AUTS2: variants seen among roughly 807,000 people sequenced by gnomAD.
The protein encoded by AUTS2 is activator of transcription and developmental regulator AUTS2.
A neutral mutation model predicts 112.4 loss-of-function variants in AUTS2; 17 were observed. That is an observed-to-expected ratio of 0.15 (90% CI 0.10 to 0.23). The LOEUF is 0.23. AUTS2 is among the 10% of genes least tolerant of loss of function. The pLI is 1.00. For synonymous variants in AUTS2, 751 were observed against 702.7 expected (o/e 1.07, Z -1.09); for missense variants, 1,510 against 1,701.6 (o/e 0.89, Z 1.98).
intron 4 of AUTS2, among the ~76,000 whole-genome samples, chr7:70,180,219 G>A (rs1809224635): frequency 6.6e-6 from 1 of 152,144 alleles, no homozygotes; most frequent in Non-Finnish European, 1.5e-5. Flanking sequence ...AGAAAAATAT[G>A]AAAGGTTGAT....
At chr7:70,234,837 C>G (rs149547085) in intron 4 of AUTS2, among the ~76,000 whole-genome samples, 3 of 152,028 alleles carry the variant, frequency 2.0e-5, no homozygotes, top group Admixed American at 1.3e-4. Context: ...TGATCTTCAC[C>G]GAGTAATTTG....
chr7:70,719,000 G>A (rs1810524988), intron 6 of AUTS2, among the ~76,000 whole-genome samples: 1 of 152,134 alleles, frequency 6.6e-6, no homozygotes, highest in Non-Finnish European at 1.5e-5. Flanking sequence ...GTTTGTCAGA[G>A]TGGTTCAATC....
intron 4 of AUTS2, among the ~76,000 whole-genome samples, chr7:70,296,739 A>C (rs1192796277): frequency 6.6e-6 from 1 of 152,108 alleles, no homozygotes; most frequent in Non-Finnish European, 1.5e-5. Flanking sequence ...CATTGTGTAC[A>C]TCTGTCAGTA....
intron 2 of AUTS2, among the ~76,000 whole-genome samples, chr7:69,969,374 T>G (rs1365922175): frequency 6.6e-6 from 1 of 152,036 alleles, no homozygotes; most frequent in African/African-American, 2.4e-5. Flanking sequence ...AAGGCACAAG[T>G]GTAATGTAAA....
intron 5 of AUTS2, 187 bp downstream of exon 5, chr7:70,435,968 C>T: frequency 1.8e-6 from 1 of 544,956 alleles, no homozygotes; most frequent in Non-Finnish European, 3.2e-6. Flanking sequence ...GTCAGATCTA[C>T]CTTTTTTTCA....
chr7:70,405,057 C>T (rs1360287427), intron 4 of AUTS2, among the ~76,000 whole-genome samples: 1 of 152,106 alleles, frequency 6.6e-6, no homozygotes, highest in East Asian at 1.9e-4. Context: ...ATATAAGCTC[C>T]CTCCTACCTA....
chr7:70,691,884 T>TTTG (rs945105472), intron 5 of AUTS2, among the ~76,000 whole-genome samples: 2 of 151,064 alleles, frequency 1.3e-5, no homozygotes, highest in Non-Finnish European at 1.5e-5. Context: ...ATTTTTTTTT[T>TTTG]TTTTTTTTTG....
intron 2 of AUTS2, among the ~76,000 whole-genome samples, chr7:70,065,070 G>A (rs577028448): frequency 2.6e-5 from 4 of 152,138 alleles, no homozygotes; most frequent in Non-Finnish European, 5.9e-5. Flanking sequence ...ATGTGAAGTG[G>A]TGGGGGGCAT....
At chr7:70,463,990 G>T (rs17141669) in intron 5 of AUTS2, among the ~76,000 whole-genome samples, 6,136 of 152,242 alleles carry the variant, frequency 0.04, 203 homozygotes, top group African/African-American at 0.092. Flanking sequence ...CAAATCTGTA[G>T]CTGTGCTTAG....
At chr7:69,770,802 C>T (rs1246540634) in intron 1 of AUTS2, among the ~76,000 whole-genome samples, 1 of 151,806 alleles carries the variant, frequency 6.6e-6, no homozygotes, top group East Asian at 1.9e-4. Flanking sequence ...TGCTTTTTTT[C>T]CCCCCTCACC....
At chr7:70,438,819 C>T (rs1278579589) in intron 5 of AUTS2, among the ~76,000 whole-genome samples, 1 of 152,146 alleles carries the variant, frequency 6.6e-6, no homozygotes, top group East Asian at 1.9e-4. Context: ...GAAAAGATGC[C>T]ACTCAGTGTC....
At chr7:70,763,392 C>A in intron 7 of AUTS2, 51 bp downstream of exon 7, 1 of 1,387,360 alleles carries the variant, frequency 7.2e-7, no homozygotes, top group Non-Finnish European at 9.8e-7. Flanking sequence ...CCCTGGGGAT[C>A]AGGTGGGTGG....
chr7:70,204,260 TA>T (rs1810456870), intron 4 of AUTS2, among the ~76,000 whole-genome samples: 1 of 152,202 alleles, frequency 6.6e-6, no homozygotes. Context: ...TTCAGTATTT[TA>T]ACCAGAGTTC....
intron 2 of AUTS2, among the ~76,000 whole-genome samples, chr7:69,974,338 T>A (rs980924970): frequency 3.6e-4 from 54 of 150,494 alleles, no homozygotes; most frequent in African/African-American, 1.3e-3. Context: ...TAGATGTTTG[T>A]CAATTTTATT....
chr7:70,210,020 A>C (rs1810773634), intron 4 of AUTS2, among the ~76,000 whole-genome samples: 1 of 152,182 alleles, frequency 6.6e-6, no homozygotes, highest in Non-Finnish European at 1.5e-5. Context: ...ATTTTTAAAA[A>C]TGGATTCAAT....
At chr7:70,142,682 T>C (rs1178636772) in intron 4 of AUTS2, among the ~76,000 whole-genome samples, 2 of 152,162 alleles carry the variant, frequency 1.3e-5, no homozygotes, top group African/African-American at 4.8e-5. Flanking sequence ...AGCTAGTAGA[T>C]TGATCATAGA....
At chr7:69,950,303 T>C (rs1796974311) in intron 2 of AUTS2, among the ~76,000 whole-genome samples, 1 of 152,152 alleles carries the variant, frequency 6.6e-6, no homozygotes, top group South Asian at 2.1e-4. Flanking sequence ...ATTTTACCAA[T>C]ATATATCCCA....
At chr7:70,529,082 C>G (rs1459543042) in intron 5 of AUTS2, among the ~76,000 whole-genome samples, 2 of 152,160 alleles carry the variant, frequency 1.3e-5, no homozygotes, top group Non-Finnish European at 2.9e-5. Context: ...CCTGGAGCCT[C>G]TCAAAACCCC....
intron 2 of AUTS2, among the ~76,000 whole-genome samples, chr7:70,047,288 A>G (rs11768151): frequency 0.081 from 12,312 of 152,268 alleles, 637 homozygotes; most frequent in African/African-American, 0.13. Flanking sequence ...TTATTCACTT[A>G]GTCAAAATTT....
Sources: allele counts gnomAD v4.1 joint callset (sites outside exome capture counted in the v4.1 genomes callset), GRCh38; gene constraint gnomAD v4.1.1; transcripts MANE v1.5; gene names NCBI Gene and HGNC (gene_info 2026-07-23, HGNC 2026-07-21).